Variants in PRKAR1A observed in about 807,000 individuals in gnomAD.
PRKAR1A encodes the protein protein kinase cAMP-dependent type I regulatory subunit alpha.
A neutral mutation model predicts 52.0 loss-of-function variants in PRKAR1A; 3 were observed. The ratio of observed to expected loss-of-function variants is 0.06; its 90% CI spans 0.03 to 0.15. The LOEUF is 0.15. PRKAR1A is among the 10% of genes least tolerant of loss of function. The pLI is 1.00. For synonymous variants in PRKAR1A, 188 were observed against 168.4 expected, an observed-to-expected ratio of 1.12 and a Z score of -0.90; for missense variants, 240 against 477.4, an observed-to-expected ratio of 0.50 and a Z score of 4.63.
At chr17:68,456,369 A>G in the PRKAR1A span, among the ~76,000 whole-genome samples, 5 of 152,248 alleles carry the variant, frequency 3.3e-5, no homozygotes, top group African/African-American at 1.2e-4. Context: ...AGTCACCAGC[A>G]GCCAAGGCAC....
chr17:68,453,361 A>G, the PRKAR1A span, among the ~76,000 whole-genome samples: 1 of 152,100 alleles, frequency 6.6e-6, no homozygotes, highest in African/African-American at 2.4e-5. Context: ...CCTCCAACAC[A>G]ACGAGGGGGC....
At chr17:68,480,513 G>A in the PRKAR1A span, among the ~76,000 whole-genome samples, 1 of 152,094 alleles carries the variant, frequency 6.6e-6, no homozygotes, top group African/African-American at 2.4e-5. Flanking sequence ...TAGTTTCTCA[G>A]GGGAAAACTA....
At chr17:68,486,509 CTT>C in the PRKAR1A span, among the ~76,000 whole-genome samples, 29 of 43,428 alleles carry the variant, frequency 6.7e-4, 1 homozygote, top group African/African-American at 1.9e-3. Flanking sequence ...TTCCTTCCTT[CTT>C]TCTTTCTTTC....
chr17:68,421,929 C>T, the PRKAR1A span: 4,288 of 1,446,504 alleles, frequency 3.0e-3, 113 homozygotes, highest in African/African-American at 0.054. Context: ...AGAGGCTGGG[C>T]ACTGTGGAAT....
intron 1 of PRKAR1A, chr17:68,513,197 C>T (rs1600455953): frequency 6.6e-6 from 1 of 152,294 alleles, no homozygotes; most frequent in Admixed American, 6.5e-5. Context: ...CTCGGCTTCC[C>T]TTCATTTTGT....
the PRKAR1A span, among the ~76,000 whole-genome samples, chr17:68,501,855 C>A: frequency 1.3e-5 from 2 of 152,198 alleles, no homozygotes; most frequent in East Asian, 3.8e-4. Flanking sequence ...CAAAATGGAA[C>A]CCTTGCTGCT....
chr17:68,426,086 C>CA, the PRKAR1A span: 1 of 1,612,758 alleles, frequency 6.2e-7, no homozygotes, highest in Non-Finnish European at 8.5e-7. Context: ...GGAGGAAACT[C>CA]ATTCTCATCA....
At chr17:68,508,187 TACCCAAAGAAATACAAA>T (rs2085221342), upstream of PRKAR1A, among the ~76,000 whole-genome samples, 1 of 152,182 alleles carries the variant, frequency 6.6e-6, no homozygotes, top group Admixed American at 6.6e-5. Context: ...GGACTGTATA[TACCCAAAGAAATACAAA>T]TCATTGTATC....
the PRKAR1A span, among the ~76,000 whole-genome samples, chr17:68,443,721 C>G: frequency 1.3e-5 from 2 of 152,090 alleles, no homozygotes; most frequent in Non-Finnish European, 2.9e-5. Flanking sequence ...AGCAGTTGTT[C>G]AATGATACTA....
chr17:68,464,331 AT>A, the PRKAR1A span, among the ~76,000 whole-genome samples: 1 of 152,282 alleles, frequency 6.6e-6, no homozygotes, highest in East Asian at 1.9e-4. Context: ...CCTTCCTAGC[AT>A]AACTTAACAC....
chr17:68,545,873 A>T (rs1282140167), intron 11 of PRKAR1A, among the ~76,000 whole-genome samples: 1 of 152,206 alleles, frequency 6.6e-6, no homozygotes, highest in Non-Finnish European at 1.5e-5. Flanking sequence ...TATCCATAAG[A>T]AGCCACTCCT....
chr17:68,545,751 G>A lies in PRKAR1A; in HGVS notation c.974-5333G>A, dbSNP rs192120063. 2.6e-5 allele frequency among the ~76,000 whole-genome samples: 4 copies of A among 152,340 alleles called. No homozygotes were observed. In the East Asian group the frequency reaches 7.7e-4, roughly 29 times the overall value. On this transcript the variant is annotated intron_variant, in intron 11 of 11. Transcript: ENST00000585981. ...GTCAGTCCTCTCAAACCCTGCTGCT[G>A]CTTTATCAACTAAGTTTGCATAATA...
At chr17:68,513,995 C>T (rs4561532) in intron 1 of PRKAR1A, among the ~76,000 whole-genome samples, 108,953 of 152,120 alleles carry the variant, frequency 0.72, 39,430 homozygotes, top group East Asian at 0.9. Flanking sequence ...TGAAGTGGAT[C>T]TTCAGTTCAT....
intron 2 of PRKAR1A, among the ~76,000 whole-genome samples, chr17:68,521,192 G>A (rs1188603816): frequency 6.6e-6 from 1 of 152,066 alleles, no homozygotes; most frequent in Non-Finnish European, 1.5e-5. Flanking sequence ...TGCCCACCTT[G>A]GCCTCCCGAA....
intron 1 of PRKAR1A, chr17:68,513,401 C>T (rs142602232): frequency 6.6e-5 from 10 of 152,338 alleles, no homozygotes; most frequent in African/African-American, 1.9e-4. Flanking sequence ...CCTAGGGGAG[C>T]CGTAACTTGG....
At chr17:68,427,262 G>C in the PRKAR1A span, 5 of 1,603,704 alleles carry the variant, frequency 3.1e-6, no homozygotes, top group Non-Finnish European at 4.3e-6. Flanking sequence ...AGCTACTTGT[G>C]ACAATCAAGA....
chr17:68,515,652 G>T (rs778882639), intron 2 of PRKAR1A, 76 bp downstream of exon 2: 93 of 1,490,682 alleles, frequency 6.2e-5, no homozygotes, highest in Middle Eastern at 2.3e-4. Context: ...TTACTAATTT[G>T]TATTTTTTGG....
At position 68,515,500 on chromosome 17, in the gene PRKAR1A, C is replaced by T; in HGVS notation, c.101C>T (p.Ser34Phe). The change falls in exon 2 of 11, where the codon TCT becomes TTT. Residue 34 changes from serine (S) to phenylalanine (F), a missense_variant. Coordinates refer to ENST00000589228, the MANE Select transcript of PRKAR1A (RefSeq NM_002734.5). ...AACATTCAAGCGCTGCTCAAAGATT[C>T]TATTGTGCAGTTGTGCACTGCTCGA... ...KHNIQALLKD[S>F]IVQLCTARPE... The T allele has an allele frequency of 6.2e-7, 1 of 1,613,400 alleles. No homozygotes were observed. Among genetic ancestry groups the T allele is most frequent in the Non-Finnish European group, 8.5e-7 (1 of 1,180,032 alleles).
At chr17:68,479,020 G>A in the PRKAR1A span, among the ~76,000 whole-genome samples, 5 of 152,168 alleles carry the variant, frequency 3.3e-5, no homozygotes, top group Non-Finnish European at 2.9e-5. Context: ...AAGCCACCGC[G>A]CCCAGCCTAG....
Sources: gnomAD v4.1 joint callset for allele counts (sites outside exome capture counted in the v4.1 genomes callset) on GRCh38, gnomAD v4.1.1 for gene constraint, MANE v1.5 for transcripts, NCBI Gene and HGNC (gene_info 2026-07-23, HGNC 2026-07-21) for gene names.